CDK6: variants seen among roughly 807,000 people sequenced by gnomAD.
CDK6 encodes cyclin-dependent kinase 6.
CDK6 carries 6 observed loss-of-function variants against 37.1 expected under a neutral mutation model. The observed-to-expected ratio is 0.16, with a 90% CI of 0.09 to 0.32. The LOEUF (loss-of-function observed/expected upper bound fraction) is 0.32. Ranked by LOEUF, CDK6 falls within the 10% of genes least tolerant of loss-of-function variation. CDK6 has a pLI of 1.00. For synonymous variants in CDK6, 160 were observed against 161.3 expected, an observed-to-expected ratio of 0.99 and a Z score of 0.06; for missense variants, 224 against 418.9, an observed-to-expected ratio of 0.53 and a Z score of 4.06.
intron 4 of CDK6, chr7:92,710,767 G>A: frequency 1.0e-6 from 1 of 985,300 alleles, no homozygotes; most frequent in African/African-American, 1.7e-5. Context: ...TGGAACACCA[G>A]ATGGAGAGGT....
chr7:92,809,347 C>A (rs1014490155), intron 2 of CDK6, among the ~76,000 whole-genome samples: 2 of 152,078 alleles, frequency 1.3e-5, no homozygotes, highest in African/African-American at 4.8e-5. Flanking sequence ...GTGGCTGATC[C>A]TAAATATAAA....
chr7:92,630,279 A>ATTATTTATTTATTTAT (rs3042470), intron 5 of CDK6, among the ~76,000 whole-genome samples: 6,051 of 146,774 alleles, frequency 0.041, 223 homozygotes, highest in East Asian at 0.12. Context: ...GCCAAATTAC[A>ATTATTTATTTATTTAT]TTATTTATTT....
chr7:92,795,461 C>T (rs1436717092), intron 2 of CDK6, among the ~76,000 whole-genome samples: 1 of 152,042 alleles, frequency 6.6e-6, no homozygotes, highest in East Asian at 1.9e-4. Context: ...TATACTCAGA[C>T]CAAAACTAGG....
chr7:92,679,702 T>G (rs1797287953), intron 4 of CDK6, among the ~76,000 whole-genome samples: 1 of 152,186 alleles, frequency 6.6e-6, no homozygotes, highest in Non-Finnish European at 1.5e-5. Context: ...TTCACTGACT[T>G]TTCACAGAGG....
chr7:92,765,125 T>C (rs557833512), intron 3 of CDK6, among the ~76,000 whole-genome samples: 2 of 152,266 alleles, frequency 1.3e-5, no homozygotes, highest in South Asian at 2.1e-4. Flanking sequence ...AATTGGGATA[T>C]AGGGAAAGTA....
intron 3 of CDK6, among the ~76,000 whole-genome samples, chr7:92,734,135 C>T (rs1386409505): frequency 1.3e-5 from 2 of 152,174 alleles, no homozygotes; most frequent in East Asian, 3.8e-4. Flanking sequence ...ATAACAGATA[C>T]CTTTACAATA....
At chr7:92,716,435 T>C (rs1362388564) in intron 4 of CDK6, among the ~76,000 whole-genome samples, 2 of 152,186 alleles carry the variant, frequency 1.3e-5, no homozygotes, top group East Asian at 1.9e-4. Context: ...GATTCATTCA[T>C]TCATTCACCA....
chr7:92,730,868 C>T (rs945945723), intron 3 of CDK6, among the ~76,000 whole-genome samples: 1 of 152,128 alleles, frequency 6.6e-6, no homozygotes, highest in Non-Finnish European at 1.5e-5. Context: ...CTCTTTGTGA[C>T]TCTGCTTTCA....
chr7:92,774,471 T>G (rs1421365073), intron 3 of CDK6, among the ~76,000 whole-genome samples: 1 of 152,170 alleles, frequency 6.6e-6, no homozygotes, highest in Non-Finnish European at 1.5e-5. Flanking sequence ...TTCCACTTAG[T>G]TCTAAAATTA....
chr7:92,665,034 C>T lies in CDK6; in HGVS notation c.647+6392G>A, dbSNP rs555490221. On this transcript the variant is annotated intron_variant, in intron 5 of 7. Transcript: ENST00000424848. ...TCTCCTGACCTCGTGATCCACCCAC[C>T]TTGGGCTCCCAAAGTGCTGGGATTA... Among the ~76,000 whole-genome samples, 3 of 152,232 alleles carry T rather than the reference C, an allele frequency of 2.0e-5. No homozygotes were observed. The South Asian group carries it at 6.2e-4, about 32-fold the overall frequency.
At chr7:92,691,365 A>G (rs954550543) in intron 4 of CDK6, among the ~76,000 whole-genome samples, 1 of 152,236 alleles carries the variant, frequency 6.6e-6, no homozygotes, top group Non-Finnish European at 1.5e-5. Context: ...TGCTCCTACA[A>G]TGAAGTACAC....
intron 4 of CDK6, among the ~76,000 whole-genome samples, chr7:92,679,491 T>C (rs959730283): frequency 2.6e-5 from 4 of 152,224 alleles, no homozygotes; most frequent in Admixed American, 6.5e-5. Flanking sequence ...AATACAAACA[T>C]AGATAATGGT....
At chr7:92,752,865 T>C (rs1799219263) in intron 3 of CDK6, among the ~76,000 whole-genome samples, 3 of 151,960 alleles carry the variant, frequency 2.0e-5, no homozygotes, top group Admixed American at 2.0e-4. Context: ...TCCAATCCTC[T>C]GGTATTCCTC....
intron 4 of CDK6, among the ~76,000 whole-genome samples, chr7:92,724,491 G>A (rs1291703467): frequency 6.6e-6 from 1 of 152,066 alleles, no homozygotes; most frequent in African/African-American, 2.4e-5. Flanking sequence ...GGGGGCAGGG[G>A]GTGGGGAACA....
chr7:92,809,074 C>T (rs780360051), intron 2 of CDK6, among the ~76,000 whole-genome samples: 11 of 152,056 alleles, frequency 7.2e-5, no homozygotes, highest in Non-Finnish European at 1.0e-4. Flanking sequence ...ATAGCTATTT[C>T]CTTCACTGCA....
chr7:92,750,340 C>T (rs1020115598), intron 3 of CDK6, among the ~76,000 whole-genome samples: 1 of 152,092 alleles, frequency 6.6e-6, no homozygotes, highest in Non-Finnish European at 1.5e-5. Context: ...AATTTTCCAA[C>T]TCTAAAAATG....
At chr7:92,661,136 G>C (rs575889581) in intron 5 of CDK6, among the ~76,000 whole-genome samples, 35 of 152,258 alleles carry the variant, frequency 2.3e-4, no homozygotes, top group African/African-American at 8.2e-4. Context: ...TGAGAATGGA[G>C]AGGAGGCTCC....
intron 5 of CDK6, among the ~76,000 whole-genome samples, chr7:92,669,564 G>T (rs926962002): frequency 6.6e-6 from 1 of 152,144 alleles, no homozygotes; most frequent in Non-Finnish European, 1.5e-5. Context: ...TGGCTGTACC[G>T]AGTTATTCCT....
intron 4 of CDK6, among the ~76,000 whole-genome samples, chr7:92,719,867 T>C (rs1798325979): frequency 6.6e-6 from 1 of 152,158 alleles, no homozygotes; most frequent in African/African-American, 2.4e-5. Flanking sequence ...TCACCTGTGG[T>C]ATAAAAACAT....
Sources: gnomAD v4.1 joint callset for allele counts (sites outside exome capture counted in the v4.1 genomes callset) on GRCh38, gnomAD v4.1.1 for gene constraint, MANE v1.5 for transcripts, NCBI Gene and HGNC (gene_info 2026-07-23, HGNC 2026-07-21) for gene names.